RIBC2: variants seen among roughly 807,000 people sequenced by gnomAD.
RIBC2 encodes the protein RIB43A domain with coiled-coils 2, also known as RIB43A-like with coiled-coils protein 2.
Under a neutral mutation model 44.3 loss-of-function variants are expected in RIBC2, and 40 were observed. The observed-to-expected ratio is 0.90, with a 90% CI of 0.70 to 1.18. RIBC2 has a LOEUF of 1.18. Ranked by LOEUF, RIBC2 falls within the 50% of genes most tolerant of loss-of-function variation. The pLI, the probability that RIBC2 is intolerant of heterozygous loss-of-function variation, is 0.00. For missense variants in RIBC2, 459 were observed against 485.5 expected (o/e 0.95, Z 0.51); for synonymous variants, 171 against 175.0 (o/e 0.98, Z 0.18).
chr22:45,417,809 T>C lies in RIBC2; in HGVS notation c.419T>C (p.Ile140Thr). The change falls in exon 3 of 7, where the codon ATA (isoleucine) becomes ACA (threonine). Residue 140 changes from isoleucine to threonine, a missense_variant. Physicochemically the swap from Ile to Thr is moderately conservative, Grantham distance 89. Coordinates refer to ENST00000614167, the MANE Select transcript of RIBC2 (RefSeq NM_015653.5). ...TCAGATAATGATGTTCGGAATACGA[T>C]ATCAGGAATGCAGAAATTCATGGGA... ...RQSDNDVRNT[I>T]SGMQKFMGED... The C allele has an allele frequency of 6.2e-7, 1 of 1,613,514 alleles. No individual in the cohort carries two copies. Among genetic ancestry groups the C allele is most frequent in the Non-Finnish European group, 8.5e-7 (1 of 1,179,690 alleles).
In RIBC2 at chr22:45,417,656, A is replaced by G. The variant is rs2087437845; in HGVS notation, c.266A>G (p.Lys89Arg). 1 of 1,614,130 alleles carries G rather than the reference A, an allele frequency of 6.2e-7. No individual in the cohort carries two copies. The highest frequency in any genetic ancestry group is 1.1e-5 in the South Asian group (1 of 91,072). ...ATGTGCATATTGGAAAACCGGAAAA[A>G]GAGGGATAGGAAAAATCTCTGTAGG... The part of the protein sequence containing the change: ...KIMCILENRK[K>R]RDRKNLCRAI... Residue 89 changes from lysine (K) to arginine (R), a missense_variant, in exon 3 of 7, where the codon AAG becomes AGG. Physicochemically the swap from Lys to Arg is conservative, Grantham distance 26. Coordinates refer to ENST00000614167, the MANE Select transcript of RIBC2 (RefSeq NM_015653.5).
intron 3 of RIBC2, chr22:45,418,216 G>A: frequency 7.0e-6 from 2 of 284,424 alleles, no homozygotes; most frequent in Non-Finnish European, 1.3e-5. Context: ...TTCCGTGTCG[G>A]GGTCCCAGTT....
At chr22:45,423,307 C>T (rs1188867212) in intron 4 of RIBC2, among the ~76,000 whole-genome samples, 1 of 151,714 alleles carries the variant, frequency 6.6e-6, no homozygotes, top group Non-Finnish European at 1.5e-5. Context: ...GCCCCCCTGC[C>T]TCTCCCTCCC....
chr22:45,419,262 C>G (rs1273378490), intron 3 of RIBC2, among the ~76,000 whole-genome samples: 1 of 151,968 alleles, frequency 6.6e-6, no homozygotes, highest in Admixed American at 6.6e-5. Context: ...TTGTCAAGAT[C>G]AGCACGAGTC....
At position 45,414,027 on chromosome 22, in the gene RIBC2, G is replaced by T. The variant is rs1004296579; in HGVS notation, c.129+12G>T. ...ACAGGATAATTGGGGTGAAAGGGCA[G>T]GGGCCGGGACGGGGTTAGAGCGGCA... is the stretch of plus-strand genomic sequence containing the variant. On this transcript the variant is annotated intron_variant, in intron 1 of 6. Coordinates refer to ENST00000614167, the MANE Select transcript of RIBC2 (RefSeq NM_015653.5). 1.3e-6 allele frequency: 2 copies of T among 1,551,372 alleles called. No homozygotes were observed. The highest frequency in any genetic ancestry group is 2.7e-5 in the African/African-American group (2 of 73,048).
At chr22:45,431,192 CTG>C (rs1298239932) in intron 6 of RIBC2, 126 bp downstream of exon 6, 4 of 1,132,304 alleles carry the variant, frequency 3.5e-6, no homozygotes, top group Non-Finnish European at 3.7e-6. Flanking sequence ...CATCTGGACA[CTG>C]TGGACCTCAA....
rs1272370436 is a variant in RIBC2, at chr22:45,413,873, C to T, written c.-14C>T. On this transcript the variant is annotated 5_prime_UTR_variant, in exon 1 of 7. Coordinates refer to ENST00000614167, the MANE Select transcript of RIBC2 (RefSeq NM_015653.5). The stretch of plus-strand genomic sequence containing the variant: ...TCCTGATCCTGCGTGTTCTAAAAAC[C>T]CCTTAGGCTTTCCATGGGTTCCCAG... 1.3e-6 allele frequency: 2 copies of T among 1,547,778 alleles called. No individual in the cohort carries two copies. Among genetic ancestry groups the T allele is most frequent in the Admixed American group, 2.0e-5 (1 of 50,560 alleles).
At chr22:45,424,630 A>G (rs941353139) in intron 4 of RIBC2, among the ~76,000 whole-genome samples, 1 of 152,240 alleles carries the variant, frequency 6.6e-6, no homozygotes, top group African/African-American at 2.4e-5. Context: ...TTTGGAGCCC[A>G]GGTCCTGGGA....
intron 1 of RIBC2, 140 bp from the exon 2 acceptor site, chr22:45,414,182 A>G (rs932528611): frequency 6.8e-7 from 1 of 1,477,792 alleles, no homozygotes; most frequent in Admixed American, 2.6e-5. Flanking sequence ...TGGAGTCACC[A>G]ACGGTTCTCC....
intron 6 of RIBC2, 43 bp from the exon 7 acceptor site, chr22:45,432,240 TA>T (rs753285235): frequency 5.8e-6 from 6 of 1,034,946 alleles, no homozygotes; most frequent in Non-Finnish European, 8.8e-6. Context: ...GAATAGGAAG[TA>T]TACACATTTG....
In RIBC2 at chr22:45,426,114, T is replaced by C. The variant is rs1159790367; in HGVS notation, c.842T>C (p.Met281Thr). 6 of 1,613,878 alleles carry C rather than the reference T, an allele frequency of 3.7e-6. No individual in the cohort carries two copies. Among genetic ancestry groups the C allele is most frequent in the African/African-American group, 2.7e-5 (2 of 74,920 alleles). ...HRVVPDRWKG[M>T]TQEQLEQIRL... ...GTGGTCCCTGACCGCTGGAAGGGCA[T>C]GACCCAGGAGCAGCTGGAGCAGATC... The change falls in exon 5 of 7, where the codon ATG becomes ACG. Residue 281 changes from methionine to threonine, a missense_variant. Transcript: ENST00000614167.
rs1002257444 is a variant in RIBC2, at chr22:45,413,879, G to C, written c.-8G>C. The C allele has an allele frequency of 6.5e-7, 1 of 1,549,276 alleles. No individual in the cohort carries two copies. The highest frequency in any genetic ancestry group is 8.7e-7 in the Non-Finnish European group (1 of 1,145,510). On this transcript the variant is annotated 5_prime_UTR_variant, in exon 1 of 7. Transcript: ENST00000614167. ...TCCTGCGTGTTCTAAAAACCCCTTA[G>C]GCTTTCCATGGGTTCCCAGACCATG...
chr22:45,418,207 T>G, intron 3 of RIBC2: 1 of 304,788 alleles, frequency 3.3e-6, no homozygotes, highest in Non-Finnish European at 6.1e-6. Context: ...GAAAACACTT[T>G]CCGTGTCGGG....
chr22:45,421,281 G>A (rs1014899034), intron 3 of RIBC2, among the ~76,000 whole-genome samples: 20 of 147,680 alleles, frequency 1.4e-4, no homozygotes, highest in East Asian at 3.9e-4. Context: ...GCAACAGAGC[G>A]AGACTCCATG....
chr22:45,416,408 C>T (rs1270754112), intron 2 of RIBC2, among the ~76,000 whole-genome samples: 2 of 152,014 alleles, frequency 1.3e-5, no homozygotes, highest in Non-Finnish European at 2.9e-5. Context: ...AAAATTGTTT[C>T]GTTGTAAGTG....
chr22:45,424,380 C>T (rs1029567591), intron 4 of RIBC2, among the ~76,000 whole-genome samples: 3 of 89,120 alleles, frequency 3.4e-5, no homozygotes, highest in African/African-American at 3.1e-4. Flanking sequence ...CTCTGGAGCC[C>T]GACCACACGG....
chr22:45,430,970 C>T lies in RIBC2; in HGVS notation c.974C>T (p.Thr325Ile). ...DRRRIQGARA[T>I]LLFERQQWRR... is the part of the protein sequence containing the mutation. ...CGGAGGATTCAGGGGGCTCGCGCCA[C>T]CCTGCTGTTTGAGCGGCAGCAGTGG... Residue 325 changes from threonine (T) to isoleucine (I), a missense_variant, in exon 6 of 7, where the codon ACC becomes ATC. Transcript: ENST00000614167. 6.2e-7 allele frequency: 1 copy of T among 1,608,488 alleles called. No homozygotes were observed. Among genetic ancestry groups the T allele is most frequent in the Middle Eastern group, 1.7e-4 (1 of 6,040 alleles).
intron 3 of RIBC2, among the ~76,000 whole-genome samples, chr22:45,418,837 C>A (rs530072556): frequency 1.3e-5 from 2 of 152,104 alleles, no homozygotes; most frequent in Non-Finnish European, 2.9e-5. Flanking sequence ...ATTCTTCTCC[C>A]ACTCCTACCA....
intron 2 of RIBC2, among the ~76,000 whole-genome samples, chr22:45,416,202 C>T (rs763749822): frequency 6.6e-6 from 1 of 151,794 alleles, no homozygotes; most frequent in Non-Finnish European, 1.5e-5. Context: ...TGTTTTATGG[C>T]ATTTTGTTAT....
Sources: allele counts gnomAD v4.1 joint callset (sites outside exome capture counted in the v4.1 genomes callset), GRCh38; gene constraint gnomAD v4.1.1; transcripts MANE v1.5; gene names NCBI Gene and HGNC (gene_info 2026-07-23, HGNC 2026-07-21).